GMDS: variants seen among roughly 807,000 people sequenced by gnomAD.
GMDS encodes GDP-mannose 4,6 dehydratase.
GMDS carries 20 observed loss-of-function variants against 49.9 expected under a neutral mutation model. That is an observed-to-expected ratio of 0.40 (90% CI 0.28 to 0.58). The LOEUF (loss-of-function observed/expected upper bound fraction) is 0.58, where lower values mean the gene tolerates loss of function less well. Ranked by LOEUF, GMDS falls within the 20% of genes least tolerant of loss-of-function variation. The probability of loss-of-function intolerance (pLI) is 0.42; values close to 1 mark genes in which losing one functional copy is unlikely to be tolerated. For missense variants in GMDS, 362 were observed against 481.4 expected (o/e 0.75, Z 2.32); for synonymous variants, 177 against 178.6 (o/e 0.99, Z 0.07).
chr6:2,092,732 C>G lies in GMDS; in HGVS notation c.345+23039G>C, dbSNP rs74584887. On this transcript the variant is annotated intron_variant, in intron 4 of 10. Transcript: ENST00000380815. ...CACCGACATGCCTAAAAAAGTGCTA[C>G]ACATGTACCCTTAAACAGAACTAGA... 4.5e-3 allele frequency among the ~76,000 whole-genome samples: 685 copies of G among 152,238 alleles called. 4 individuals are homozygous for G. The highest frequency in any genetic ancestry group is 0.015 in the African/African-American group (638 of 41,550).
chr6:1,930,375 A>G (rs988148247), intron 6 of GMDS, 145 bp from the exon 7 acceptor site: 33 of 582,992 alleles, frequency 5.7e-5, no homozygotes, highest in African/African-American at 5.6e-4. Flanking sequence ...AGAAAAGAAA[A>G]AGAGAAAAGA....
intron 7 of GMDS, among the ~76,000 whole-genome samples, chr6:1,755,556 C>A (rs184108230): frequency 2.0e-5 from 3 of 152,060 alleles, no homozygotes; most frequent in Non-Finnish European, 4.4e-5. Flanking sequence ...AAAAAATGCC[C>A]GTATAGCCAA....
At chr6:1,881,206 T>C (rs1759346745) in intron 7 of GMDS, among the ~76,000 whole-genome samples, 1 of 152,156 alleles carries the variant, frequency 6.6e-6, no homozygotes, top group Admixed American at 6.5e-5. Context: ...AAGCAGCCTT[T>C]CCTGCAGAAA....
chr6:1,902,666 A>G (rs80064479), intron 7 of GMDS, among the ~76,000 whole-genome samples: 1 of 152,352 alleles, frequency 6.6e-6, no homozygotes, highest in African/African-American at 2.4e-5. Context: ...GACGCTATAT[A>G]TGACGACTCA....
At position 2,061,908 on chromosome 6, in the gene GMDS, A is replaced by C. The variant is rs577014557; in HGVS notation, c.345+53863T>G. 7.1e-4 allele frequency among the ~76,000 whole-genome samples: 108 copies of C among 152,238 alleles called. 1 individual carries two copies. Among genetic ancestry groups the C allele is most frequent in the African/African-American group, 2.5e-3 (105 of 41,542 alleles). On this transcript the variant is annotated intron_variant, in intron 4 of 10. Transcript: ENST00000380815. ...CTCATTAGTCATTATTTATCTTTACAATACATTAAAAGGATTCAAATGTTT... is the reference window on the plus strand; with the variant it reads ...CTCATTAGTCATTATTTATCTTTACCATACATTAAAAGGATTCAAATGTTT...
intron 8 of GMDS, among the ~76,000 whole-genome samples, chr6:1,731,480 G>A (rs1158999066): frequency 1.3e-5 from 2 of 152,168 alleles, no homozygotes; most frequent in Non-Finnish European, 2.9e-5. Flanking sequence ...GGGGACAGAC[G>A]GGACTGGGAG....
intron 1 of GMDS, among the ~76,000 whole-genome samples, 169 bp from the exon 2 acceptor site, chr6:2,124,900 A>C (rs1297255795): frequency 2.0e-5 from 3 of 152,252 alleles, no homozygotes; most frequent in African/African-American, 7.2e-5. Context: ...ATGGTGTTCC[A>C]CTATACACAA....
intron 7 of GMDS, among the ~76,000 whole-genome samples, chr6:1,914,466 CAA>C (rs551319674): frequency 1.8e-4 from 19 of 104,198 alleles, no homozygotes; most frequent in Non-Finnish European, 1.4e-4. Flanking sequence ...GACTCTGTCT[CAA>C]AAAAAAAAAA....
intron 7 of GMDS, among the ~76,000 whole-genome samples, chr6:1,823,905 T>A (rs1770997931): frequency 6.6e-6 from 1 of 152,084 alleles, no homozygotes; most frequent in Admixed American, 6.5e-5. Context: ...TCACCACCAC[T>A]TGCTACACCA....
chr6:2,062,312 T>C (rs563224413), intron 4 of GMDS, among the ~76,000 whole-genome samples: 2 of 152,292 alleles, frequency 1.3e-5, no homozygotes, highest in South Asian at 4.2e-4. Context: ...ATCTATCTAC[T>C]GCAAAATCTC....
intron 8 of GMDS, among the ~76,000 whole-genome samples, chr6:1,731,579 C>T (rs1162324148): frequency 1.3e-5 from 2 of 152,160 alleles, no homozygotes; most frequent in Non-Finnish European, 1.5e-5. Context: ...AAATTATTTC[C>T]AATCTAGAAA....
chr6:1,981,573 G>C (rs905769674), intron 4 of GMDS, among the ~76,000 whole-genome samples: 1 of 152,164 alleles, frequency 6.6e-6, no homozygotes, highest in African/African-American at 2.4e-5. Context: ...TAGATTCACA[G>C]TTGAATTCTA....
chr6:1,970,533 G>A (rs530018269), intron 4 of GMDS, among the ~76,000 whole-genome samples: 5 of 152,316 alleles, frequency 3.3e-5, no homozygotes, highest in South Asian at 2.1e-4. Flanking sequence ...GGAGCAGGCC[G>A]CAGGCTGTGA....
intron 4 of GMDS, among the ~76,000 whole-genome samples, chr6:1,989,987 C>T (rs1179793187): frequency 6.6e-6 from 1 of 152,218 alleles, no homozygotes; most frequent in Non-Finnish European, 1.5e-5. Context: ...AGATTTTCCA[C>T]GTAGGTGCTT....
intron 7 of GMDS, among the ~76,000 whole-genome samples, 200 bp downstream of exon 7, chr6:1,929,903 G>A (rs1345057949): frequency 1.3e-5 from 2 of 152,204 alleles, no homozygotes; most frequent in African/African-American, 4.8e-5. Flanking sequence ...GTACCATTCA[G>A]TGTAAGCTAC....
intron 4 of GMDS, among the ~76,000 whole-genome samples, chr6:2,052,131 G>GAAAAAAAAAAAAAAAA (rs576035823): frequency 3.0e-5 from 3 of 99,646 alleles, no homozygotes; most frequent in Admixed American, 1.1e-4. Context: ...AAAAAAAAAA[G>GAAAAAAAAAAAAAAAA]AAAAAAAAAA....
chr6:2,162,668 A>T (rs986382424), intron 1 of GMDS, among the ~76,000 whole-genome samples: 2 of 106,400 alleles, frequency 1.9e-5, no homozygotes, highest in African/African-American at 1.7e-4. Flanking sequence ...CAACACACAC[A>T]CACACACACA....
chr6:1,707,788 C>T (rs1765791074), intron 9 of GMDS, among the ~76,000 whole-genome samples: 1 of 152,238 alleles, frequency 6.6e-6, no homozygotes, highest in East Asian at 1.9e-4. Context: ...TGCGCTTGCA[C>T]TGAAAGCAAT....
intron 7 of GMDS, among the ~76,000 whole-genome samples, chr6:1,876,339 G>GA (rs1441512655): frequency 6.6e-5 from 10 of 152,022 alleles, no homozygotes. Context: ...AAGGTGATGA[G>GA]AAAAAAAGAC....
Sources: allele counts gnomAD v4.1 joint callset (sites outside exome capture counted in the v4.1 genomes callset), GRCh38; gene constraint gnomAD v4.1.1; transcripts MANE v1.5; gene names NCBI Gene and HGNC (gene_info 2026-07-23, HGNC 2026-07-21).